The following MACC1 variants were observed in gnomAD, a reference collection of about 807,000 sequenced individuals.
MACC1 encodes metastasis-associated in colon cancer protein 1.
Under a neutral mutation model 70.7 loss-of-function variants are expected in MACC1, and 79 were observed. That is an observed-to-expected ratio of 1.12 (90% CI 0.93 to 1.35). The LOEUF (loss-of-function observed/expected upper bound fraction) is 1.35. Among genes scored for constraint, MACC1 ranks in the 40% most tolerant of loss-of-function variants. The pLI, the probability that MACC1 is intolerant of heterozygous loss-of-function variation, is 0.00. For synonymous variants in MACC1, 361 were observed against 347.2 expected (o/e 1.04, Z -0.44); for missense variants, 1,106 against 978.1 (o/e 1.13, Z -1.74).
intron 1 of MACC1, among the ~76,000 whole-genome samples, chr7:20,184,068 T>C (rs1403044880): frequency 3.9e-5 from 6 of 152,206 alleles, no homozygotes; most frequent in Admixed American, 3.9e-4. Flanking sequence ...GCTTCCTTCA[T>C]CTATTTAGAT....
chr7:20,158,752 G>T lies in MACC1; in HGVS notation c.1609C>A (p.Leu537Ile), dbSNP rs147145126. The stretch of plus-strand genomic sequence containing the variant: ...TCTTGAAATGTAGGATATTTAACAA[G>T]AATTTTTGGTGATAAAGGAGCAGAC... ...IKSAPLSPKI[L>I]VKYPTFQDKT... The change falls in exon 5 of 7, where the codon CTT (leucine) becomes ATT (isoleucine). Residue 537 changes from leucine (L) to isoleucine (I), a missense_variant. Physicochemically the swap from Leu to Ile is conservative, Grantham distance 5. Transcript: ENST00000400331. 8.1e-5 allele frequency: 131 copies of T among 1,613,928 alleles called. 1 individual carries two copies. In the East Asian group the frequency reaches 2.8e-3, roughly 34 times the overall value.
Position 20,141,238 on chromosome 7 carries a change from A to C in MACC1, c.2347-80T>G, listed in dbSNP as rs182589789. 29 of 921,800 alleles carry C rather than the reference A, an allele frequency of 3.1e-5. No individual in the cohort carries two copies. In the East Asian group the frequency reaches 7.3e-4, roughly 23 times the overall value. 57.1% of individuals were successfully genotyped at this position (921,800 alleles called of 1,614,324 possible). ...TCGTTTTTAAAAAAAAGATGTAAAAAGCCTCTTAAGATTTAAGATAAAACG... is the reference window on the plus strand; with the variant it reads ...TCGTTTTTAAAAAAAAGATGTAAAACGCCTCTTAAGATTTAAGATAAAACG... On this transcript the variant is annotated intron_variant, in intron 6 of 6. Transcript: ENST00000400331.
rs1448812796 is a variant in MACC1 at position 20,159,429 on chromosome 7, A to G, written c.932T>C (p.Leu311Ser). The change falls in exon 5 of 7, where the codon TTA (leucine) becomes TCA (serine). Residue 311 changes from leucine to serine, a missense_variant. Leu to Ser is a moderately radical substitution (Grantham distance 145). Transcript: ENST00000400331. The stretch of plus-strand genomic sequence containing the variant: ...AGGGCCTTCTTTACCCAAGCTGTGT[A>G]AACACACCATTTCTGTCATGACTTG... The part of the protein sequence containing the change: ...FSQVMTEMVC[L>S]HSLGKEGPFK... The G allele has an allele frequency of 1.2e-6, 2 of 1,614,030 alleles. No homozygotes were observed. The highest frequency in any genetic ancestry group is 1.7e-6 in the Non-Finnish European group (2 of 1,180,010).
chr7:20,203,489 G>A (rs1202626420), intron 1 of MACC1, among the ~76,000 whole-genome samples: 3 of 152,200 alleles, frequency 2.0e-5, no homozygotes, highest in African/African-American at 7.2e-5. Context: ...AACCTATGAA[G>A]TGAATGATGC....
chr7:20,184,451 T>C (rs991337071), intron 1 of MACC1, among the ~76,000 whole-genome samples: 1 of 152,208 alleles, frequency 6.6e-6, no homozygotes, highest in Non-Finnish European at 1.5e-5. Flanking sequence ...TATTTCAAAC[T>C]TGCAAAACTC....
In MACC1 at chr7:20,136,764, G is replaced by A. The variant is rs904678575; in HGVS notation, c.*4182C>T. ...AGAAAAGTTCATACAGAAGGAGGAG[G>A]GACTTACTTCTCCTCCTTGCGATTA... On this transcript the variant is annotated 3_prime_UTR_variant, in exon 7 of 7. Coordinates refer to ENST00000400331, the MANE Select transcript of MACC1 (RefSeq NM_182762.4). 1 of 151,356 alleles carries A rather than the reference G, an allele frequency of 6.6e-6. No homozygotes were observed. Among genetic ancestry groups the A allele is most frequent in the African/African-American group, 2.4e-5 (1 of 41,198 alleles). The allele number at this position is 151,356 out of a possible 1,614,324, so 9.4% of individuals were successfully genotyped here. A position where few individuals can be genotyped will look rare whatever the true frequency, so the allele number is the denominator to read the frequency against.
At chr7:20,160,268 A>T in intron 4 of MACC1, 23 bp from the exon 5 acceptor site, 1 of 1,520,826 alleles carries the variant, frequency 6.6e-7, no homozygotes, top group Non-Finnish European at 8.8e-7. Context: ...GGAAAGACAA[A>T]GCAAAACAAA....
At chr7:20,144,571 T>A (rs17142494) in intron 6 of MACC1, among the ~76,000 whole-genome samples, 56,453 of 151,996 alleles carry the variant, frequency 0.37, 11,438 homozygotes, top group East Asian at 0.78. Flanking sequence ...TACCTCATGA[T>A]GTATCTGGCA....
intron 1 of MACC1, among the ~76,000 whole-genome samples, chr7:20,205,148 T>A (rs1375809569): frequency 6.6e-6 from 1 of 152,208 alleles, no homozygotes; most frequent in African/African-American, 2.4e-5. Context: ...CTGATGGATT[T>A]TCATGATGTC....
chr7:20,186,785 A>G (rs1583403676), intron 1 of MACC1, among the ~76,000 whole-genome samples: 1 of 152,230 alleles, frequency 6.6e-6, no homozygotes, highest in South Asian at 2.1e-4. Context: ...ACAAATTAGT[A>G]TAAATAACCT....
rs117278178 is a variant in MACC1, at chr7:20,206,079, C to A, written c.-218+11220G>T. Among the ~76,000 whole-genome samples, 780 of 151,774 alleles carry A rather than the reference C, an allele frequency of 5.1e-3. 4 individuals are homozygous for A. Among genetic ancestry groups the A allele is most frequent in the Non-Finnish European group, 8.9e-3 (602 of 67,962 alleles). ...CTCCATCGTCTTTCTCACACATTAT[C>A]GTCATCTGCTTGGTAAATCCACTAC... On this transcript the variant is annotated intron_variant, in intron 1 of 6. Transcript: ENST00000400331.
intron 5 of MACC1, among the ~76,000 whole-genome samples, chr7:20,154,895 C>A (rs555924269): frequency 6.6e-6 from 1 of 151,578 alleles, no homozygotes; most frequent in African/African-American, 2.4e-5. Context: ...ATCATGCCTG[C>A]TGTGTTTAAA....
intron 1 of MACC1, among the ~76,000 whole-genome samples, chr7:20,203,841 C>A (rs1782869141): frequency 6.6e-6 from 1 of 151,916 alleles, no homozygotes; most frequent in South Asian, 2.1e-4. Context: ...TGTTTCTATG[C>A]AAAAATGATC....
At chr7:20,166,764 T>C (rs1040111259) in intron 2 of MACC1, among the ~76,000 whole-genome samples, 3 of 152,218 alleles carry the variant, frequency 2.0e-5, no homozygotes, top group Admixed American at 1.3e-4. Context: ...CAATACGTCA[T>C]CTTGTTAATA....
At chr7:20,156,044 T>C (rs1304798258) in intron 5 of MACC1, among the ~76,000 whole-genome samples, 4 of 152,176 alleles carry the variant, frequency 2.6e-5, no homozygotes, top group South Asian at 2.1e-4. Context: ...GAAAATCAAA[T>C]TGGATGCTGA....
intron 1 of MACC1, among the ~76,000 whole-genome samples, chr7:20,206,516 T>C (rs986109011): frequency 3.3e-5 from 5 of 152,200 alleles, no homozygotes; most frequent in Non-Finnish European, 7.3e-5. Flanking sequence ...GCTGTTTCTT[T>C]CTCTGATTAA....
In MACC1 at chr7:20,140,976, T is replaced by G; in HGVS notation, c.2529A>C (p.Val843=). Residue 843 remains valine, a synonymous_variant, in exon 7 of 7, where the codon GTA becomes GTC. Coordinates refer to ENST00000400331, the MANE Select transcript of MACC1 (RefSeq NM_182762.4). ...CTTCCTCAGAAGTGGAGAATGCAGTTACTCTCAAAACCTCCAAAGAATTTA... is the reference window on the plus strand; with the variant it reads ...CTTCCTCAGAAGTGGAGAATGCAGTGACTCTCAAAACCTCCAAAGAATTTA... ...ILVNSLEVLR[V]TAFSTSEEV 3.1e-6 allele frequency: 5 copies of G among 1,613,600 alleles called. No individual in the cohort carries two copies. The highest frequency in any genetic ancestry group is 4.2e-6 in the Non-Finnish European group (5 of 1,179,708).
intron 2 of MACC1, 125 bp downstream of exon 2, chr7:20,170,589 C>A (rs1053855027): frequency 1.3e-5 from 2 of 152,174 alleles, no homozygotes; most frequent in Non-Finnish European, 2.9e-5. Flanking sequence ...TGTGTTAGTA[C>A]TTTTGCAGTA....
intron 2 of MACC1, among the ~76,000 whole-genome samples, chr7:20,169,225 A>G (rs1782265023): frequency 6.6e-6 from 1 of 152,226 alleles, no homozygotes; most frequent in South Asian, 2.1e-4. Flanking sequence ...ACTTTAAGCA[A>G]TAGATGTTTC....
Sources: gnomAD v4.1 joint callset for allele counts (sites outside exome capture counted in the v4.1 genomes callset) on GRCh38, gnomAD v4.1.1 for gene constraint, MANE v1.5 for transcripts, NCBI Gene and HGNC (gene_info 2026-07-23, HGNC 2026-07-21) for gene names.